The following PSEN1 variants were observed in gnomAD, a reference collection of about 807,000 sequenced individuals.
PSEN1 encodes presenilin 1, also known as presenilin-1.
Under a neutral mutation model 53.5 loss-of-function variants are expected in PSEN1, and 15 were observed. That is an observed-to-expected ratio of 0.28 (90% CI 0.19 to 0.43). PSEN1 has a LOEUF of 0.43. Among genes scored for constraint, PSEN1 ranks in the 20% least tolerant of loss-of-function variants. PSEN1 has a pLI of 1.00. For missense variants in PSEN1, 387 were observed against 571.2 expected (o/e 0.68, Z 3.29); for synonymous variants, 208 against 209.8 (o/e 0.99, Z 0.08).
intron 10 of PSEN1, among the ~76,000 whole-genome samples, chr14:73,216,354 ATTGTACAGCTCTCTCTATATATAG>A (rs1252508365): frequency 6.6e-6 from 1 of 152,206 alleles, no homozygotes; most frequent in African/African-American, 2.4e-5. Flanking sequence ...TGATAGTTAA[ATTGTACAGCTCTCTCTATATATAG>A]TTGTACAGCT....
intron 1 of PSEN1, among the ~76,000 whole-genome samples, chr14:73,146,402 G>C (rs1897072772): frequency 6.6e-6 from 1 of 152,012 alleles, no homozygotes; most frequent in South Asian, 2.1e-4. Context: ...CCAGGCTGGA[G>C]ACTGATCTGC....
chr14:73,157,695 T>C (rs1897401024), intron 3 of PSEN1, among the ~76,000 whole-genome samples: 1 of 152,062 alleles, frequency 6.6e-6, no homozygotes, highest in African/African-American at 2.4e-5. Flanking sequence ...ACTATTATGA[T>C]ACTATTTTAT....
At chr14:73,141,415 G>T (rs533052159) in intron 1 of PSEN1, among the ~76,000 whole-genome samples, 1 of 152,258 alleles carries the variant, frequency 6.6e-6, no homozygotes, top group African/African-American at 2.4e-5. Flanking sequence ...GAAATGATTT[G>T]CTCCTAGTCT....
intron 8 of PSEN1, among the ~76,000 whole-genome samples, chr14:73,202,419 TATATATATATATA>T (rs1566648089): frequency 0.024 from 497 of 20,604 alleles, 16 homozygotes; most frequent in African/African-American, 0.06. Flanking sequence ...TATCACATAC[TATATATATATATA>T]TATATATATA....
chr14:73,184,263 A>C (rs1229626124), intron 5 of PSEN1, among the ~76,000 whole-genome samples: 1 of 53,572 alleles, frequency 1.9e-5, no homozygotes, highest in Non-Finnish European at 3.7e-5. Context: ...TGACCCCCCC[A>C]CCTCCCTCCC....
At position 73,147,044 on chromosome 14, in the gene PSEN1, CT is replaced by C. The variant is rs75227261; in HGVS notation, c.-135-735del. Among the ~76,000 whole-genome samples the C allele has an allele frequency of 3.5e-3, 479 of 138,306 alleles. 1 individual carries two copies. Among genetic ancestry groups the C allele is most frequent in the Middle Eastern group, 7.2e-3 (2 of 276 alleles). The allele number at this position is 138,306 out of a possible 152,430, so 90.7% of individuals were successfully genotyped here. A position where few individuals can be genotyped will look rare whatever the true frequency, so the allele number is the denominator to read the frequency against. Reference sequence around the variant, plus strand: ...GGCTGGGAGTCAGGAGTCAGCCATTCTTTTTTTTTTTTTTTTCTGCAACCTC... The same window carrying C: ...GGCTGGGAGTCAGGAGTCAGCCATTCTTTTTTTTTTTTTTTCTGCAACCTC... On this transcript the variant is annotated intron_variant, in intron 1 of 11. Transcript: ENST00000324501.
rs1484478242 is a variant in PSEN1 at position 73,219,479 on chromosome 14, C to T, written c.*190C>T. The T allele has an allele frequency of 2.5e-5, 16 of 643,446 alleles. No homozygotes were observed. Among genetic ancestry groups the T allele is most frequent in the South Asian group, 1.2e-4 (7 of 56,426 alleles). The allele number at this position is 643,446 out of a possible 1,614,324, so 39.9% of individuals were successfully genotyped here. A position where few individuals can be genotyped will look rare whatever the true frequency, so the allele number is the denominator to read the frequency against. ...TTTGGAAGGAGGTGCCTATAGAAAA[C>T]GATTTTGAACATACTTCATCGCAGT... On this transcript the variant is annotated 3_prime_UTR_variant, in exon 12 of 12. Coordinates refer to ENST00000324501, the MANE Select transcript of PSEN1 (RefSeq NM_000021.4).
rs1899944785 is a variant in PSEN1 at position 73,217,020 on chromosome 14, C to T, written c.1130-106C>T. The T allele has an allele frequency of 4.9e-6, 6 of 1,234,464 alleles. No homozygotes were observed. The East Asian group carries it at 1.2e-4, about 24-fold the overall frequency. 76.5% of individuals were successfully genotyped at this position (1,234,464 alleles called of 1,614,324 possible). A position where few individuals can be genotyped will look rare whatever the true frequency, so the allele number is the denominator to read the frequency against. On this transcript the variant is annotated intron_variant, in intron 10 of 11. Transcript: ENST00000324501. Reference sequence around the variant, plus strand: ...CCTAATTTTGTATATCATTTACTGACTTCTCTCATTCATTGTGGGGTTGAG... The same window carrying T: ...CCTAATTTTGTATATCATTTACTGATTTCTCTCATTCATTGTGGGGTTGAG...
chr14:73,217,812 T>A (rs935182740), intron 11 of PSEN1, among the ~76,000 whole-genome samples: 1 of 151,174 alleles, frequency 6.6e-6, no homozygotes, highest in Non-Finnish European at 1.5e-5. Context: ...TTTTTTTTTT[T>A]TTTGAGACGG....
intron 6 of PSEN1, among the ~76,000 whole-genome samples, chr14:73,192,167 G>A (rs775131890): frequency 5.9e-5 from 9 of 152,236 alleles, no homozygotes; most frequent in Non-Finnish European, 1.0e-4. Context: ...GCCAGGCACC[G>A]TGGCTCATGC....
In PSEN1 at chr14:73,198,036, G is replaced by C. The variant is rs568741200; in HGVS notation, c.775G>C (p.Val259Leu). The change falls in exon 8 of 12, where the codon GTG becomes CTG. Residue 259 changes from valine (V) to leucine (L), a missense_variant. Transcript: ENST00000324501. Reference protein sequence around the residue: ...ILAVISVYDLVAVLCPKGPLR... With the variant: ...ILAVISVYDLLAVLCPKGPLR... ...TTATGTTTTTCTTTTTCTAGATTTA[G>C]TGGCTGTTTTGTGTCCGAAAGGTCC... 1.3e-6 allele frequency: 2 copies of C among 1,589,764 alleles called. No homozygotes were observed. The highest frequency in any genetic ancestry group is 2.2e-5 in the South Asian group (2 of 90,416).
At chr14:73,158,881 A>G (rs969062335) in intron 3 of PSEN1, among the ~76,000 whole-genome samples, 1 of 152,192 alleles carries the variant, frequency 6.6e-6, no homozygotes, top group African/African-American at 2.4e-5. Context: ...TGATACTGTC[A>G]GTCTTTTAAA....
rs770805752 is a variant in PSEN1, at chr14:73,164,494, G to A, written c.88-6303G>A. ...GAATGCTTAATATGTGCCAGACACC[G>A]TGAGATACGTCTTTGAAGTACTATC... On this transcript the variant is annotated intron_variant, in intron 3 of 11. Transcript: ENST00000324501. 2.1e-4 allele frequency among the ~76,000 whole-genome samples: 32 copies of A among 152,160 alleles called. 1 individual carries two copies. Among genetic ancestry groups the A allele is most frequent in the Admixed American group, 1.1e-3 (17 of 15,272 alleles).
intron 3 of PSEN1, among the ~76,000 whole-genome samples, chr14:73,150,764 CAAAAAAAAA>C (rs35747435): frequency 5.6e-5 from 2 of 35,924 alleles, no homozygotes; most frequent in Admixed American, 4.2e-4. Flanking sequence ...GACTCTGTCT[CAAAAAAAAA>C]AAAAAAAAAA....
chr14:73,202,441 TATATATATATATATA>T (rs1899244269), intron 8 of PSEN1, among the ~76,000 whole-genome samples: 1 of 18,276 alleles, frequency 5.5e-5, no homozygotes, highest in South Asian at 2.1e-3. Context: ...TATATATATA[TATATATATATATATA>T]TATATATTTT....
intron 8 of PSEN1, among the ~76,000 whole-genome samples, chr14:73,201,192 A>G (rs978085499): frequency 1.3e-5 from 2 of 152,008 alleles, no homozygotes; most frequent in African/African-American, 4.8e-5. Context: ...GGGTTCAGCC[A>G]TTCTCCTGCC....
chr14:73,169,397 T>G (rs1897818282), intron 3 of PSEN1: 1 of 152,284 alleles, frequency 6.6e-6, no homozygotes, highest in Non-Finnish European at 1.5e-5. Context: ...TGAGATTTCA[T>G]CCATTTCTGA....
At chr14:73,164,294 G>T (rs1465655368) in intron 3 of PSEN1, among the ~76,000 whole-genome samples, 2 of 152,190 alleles carry the variant, frequency 1.3e-5, no homozygotes, top group Non-Finnish European at 2.9e-5. Flanking sequence ...CAACATTTGG[G>T]AGACAGAATT....
At chr14:73,213,605 C>T (rs1473101736) in intron 10 of PSEN1, among the ~76,000 whole-genome samples, 1 of 152,178 alleles carries the variant, frequency 6.6e-6, no homozygotes, top group African/African-American at 2.4e-5. Context: ...TCAGTTGACA[C>T]TATAGGTCAG....
Sources: allele counts gnomAD v4.1 joint callset (sites outside exome capture counted in the v4.1 genomes callset), GRCh38; gene constraint gnomAD v4.1.1; transcripts MANE v1.5; gene names NCBI Gene and HGNC (gene_info 2026-07-23, HGNC 2026-07-21).